Variants in SLA observed in about 807,000 individuals in gnomAD.
SLA encodes src-like-adapter.
In SLA, 16 loss-of-function variants were observed where a neutral mutation model predicts 30.3. The observed-to-expected ratio is 0.53, with a 90% CI of 0.36 to 0.80. The LOEUF (loss-of-function observed/expected upper bound fraction) is 0.80, where lower values mean the gene tolerates loss of function less well. Among genes scored for constraint, SLA ranks in the 30% least tolerant of loss-of-function variants. SLA has a pLI of 0.01. For missense variants in SLA, 310 were observed against 345.2 expected, an observed-to-expected ratio of 0.90 and a Z score of 0.81; for synonymous variants, 143 against 137.8, an observed-to-expected ratio of 1.04 and a Z score of -0.26.
At position 133,040,093 on chromosome 8, in the gene SLA, G is replaced by A; in HGVS notation, c.522C>T (p.Pro174=). The A allele has an allele frequency of 1.9e-6, 3 of 1,568,454 alleles. No homozygotes were observed. The highest frequency in any genetic ancestry group is 2.6e-6 in the Non-Finnish European group (3 of 1,156,598). ...ADGLCCVLTT[P]CLTQSTAAPA... Reference sequence around the variant, plus strand: ...GGGCAGCCGTGCTTTGTGTCAGGCAGGGCGTGGTGAGCACACAGCACAGGC... The same window carrying A: ...GGGCAGCCGTGCTTTGTGTCAGGCAAGGCGTGGTGAGCACACAGCACAGGC... The change falls in exon 8 of 9, where the codon CCC becomes CCT. Residue 174 remains proline (P), a synonymous_variant. Transcript: ENST00000338087.
At chr8:133,057,653 C>A (rs1353516417) in intron 3 of SLA, among the ~76,000 whole-genome samples, 1 of 152,084 alleles carries the variant, frequency 6.6e-6, no homozygotes, top group Non-Finnish European at 1.5e-5. Context: ...GGGCCTTCTG[C>A]CTCTGAAACT....
At chr8:133,057,525 G>A (rs1841664795) in intron 3 of SLA, among the ~76,000 whole-genome samples, 1 of 152,082 alleles carries the variant, frequency 6.6e-6, no homozygotes, top group Non-Finnish European at 1.5e-5. Context: ...CTTTGCTGGT[G>A]CCTGCCCTGC....
Position 133,058,147 on chromosome 8 carries a change from C to A in SLA, c.61+1953G>T, listed in dbSNP as rs1035282998. ...CATGAGGCAGATGGGGACTACTTAA[C>A]ACGGCATCACTGCACCGCCTTCCCC... On this transcript the variant is annotated intron_variant, in intron 3 of 8. Coordinates refer to ENST00000338087, the MANE Select transcript of SLA (RefSeq NM_001045556.3). 2.6e-5 allele frequency among the ~76,000 whole-genome samples: 4 copies of A among 152,320 alleles called. No individual in the cohort carries two copies. In the East Asian group the frequency reaches 7.7e-4, roughly 29 times the overall value.
intron 2 of SLA, among the ~76,000 whole-genome samples, chr8:133,071,473 G>A (rs1844020238): frequency 1.3e-5 from 2 of 152,208 alleles, no homozygotes; most frequent in Non-Finnish European, 1.5e-5. Flanking sequence ...TCTTTTGTGT[G>A]CTAGAGGGTT....
At chr8:133,079,392 C>T (rs1845405725) in intron 1 of SLA, among the ~76,000 whole-genome samples, 1 of 152,228 alleles carries the variant, frequency 6.6e-6, no homozygotes, top group African/African-American at 2.4e-5. Context: ...TGGTCATCAC[C>T]TTATTAAAGT....
At chr8:133,079,819 T>C (rs1049422256) in intron 1 of SLA, among the ~76,000 whole-genome samples, 28 of 152,148 alleles carry the variant, frequency 1.8e-4, no homozygotes, top group African/African-American at 6.5e-4. Flanking sequence ...ATACCACTTA[T>C]TGAATGCAAG....
At chr8:133,082,555 C>A (rs147801843) in intron 1 of SLA, among the ~76,000 whole-genome samples, 1 of 152,178 alleles carries the variant, frequency 6.6e-6, no homozygotes, top group African/African-American at 2.4e-5. Flanking sequence ...CTGTGGGCAC[C>A]GGGAAAGTGG....
chr8:133,042,795 G>A (rs1838552933), intron 7 of SLA, among the ~76,000 whole-genome samples: 1 of 145,614 alleles, frequency 6.9e-6, no homozygotes, highest in Non-Finnish European at 1.5e-5. Context: ...CTGGGTTCAA[G>A]TGATTCCCCT....
Position 133,061,553 on chromosome 8 carries a change from G to A in SLA, c.-40-1353C>T, listed in dbSNP as rs183669335. 2.1e-3 allele frequency among the ~76,000 whole-genome samples: 313 copies of A among 152,310 alleles called. 1 individual carries two copies. In the Middle Eastern group the frequency reaches 0.024, roughly 12 times the overall value. On this transcript the variant is annotated intron_variant, in intron 2 of 8. Transcript: ENST00000338087. The stretch of plus-strand genomic sequence containing the variant: ...GAGAATAGGGTTTTAGGGAAGCCAC[G>A]TTCCCTCTGGATGGTGGAAGCACAG...
chr8:133,054,896 C>A (rs1287583986), intron 3 of SLA, among the ~76,000 whole-genome samples: 1 of 152,178 alleles, frequency 6.6e-6, no homozygotes, highest in Admixed American at 6.5e-5. Context: ...ATGACCATTT[C>A]TTTTTAAATG....
chr8:133,072,284 T>C (rs1844179037), intron 2 of SLA, among the ~76,000 whole-genome samples: 1 of 152,174 alleles, frequency 6.6e-6, no homozygotes. Flanking sequence ...CATAATCAAA[T>C]TGCCTCCTCC....
intron 2 of SLA, among the ~76,000 whole-genome samples, chr8:133,074,000 G>A (rs1192689861): frequency 6.6e-6 from 1 of 152,026 alleles, no homozygotes; most frequent in Non-Finnish European, 1.5e-5. Context: ...ACACCCCCAT[G>A]CACAGCCCCA....
chr8:133,097,729 T>C (rs933899115), intron 1 of SLA, among the ~76,000 whole-genome samples: 5 of 152,192 alleles, frequency 3.3e-5, no homozygotes, highest in African/African-American at 1.2e-4. Flanking sequence ...GATGTAGAGA[T>C]GTGAGAAAGA....
At chr8:133,069,892 T>A (rs1351469629) in intron 2 of SLA, among the ~76,000 whole-genome samples, 1 of 150,366 alleles carries the variant, frequency 6.7e-6, no homozygotes, top group African/African-American at 2.4e-5. Context: ...TCCCAGCTAC[T>A]TGGGAGGCTG....
rs1333379514 is a variant in SLA at position 133,037,042 on chromosome 8, A to G, written c.*1482T>C. The G allele has an allele frequency of 6.6e-6, 1 of 152,242 alleles. No individual in the cohort carries two copies. The highest frequency in any genetic ancestry group is 1.9e-4 in the East Asian group (1 of 5,198). The allele number at this position is 152,242 out of a possible 1,614,324, so 9.4% of individuals were successfully genotyped here. ...TCCTTGTATAAACACACTAGAATCTATGATACAGAAAACTGTGTAACTGCA... is the reference window on the plus strand; with the variant it reads ...TCCTTGTATAAACACACTAGAATCTGTGATACAGAAAACTGTGTAACTGCA... On this transcript the variant is annotated 3_prime_UTR_variant, in exon 9 of 9. Coordinates refer to ENST00000338087, the MANE Select transcript of SLA (RefSeq NM_001045556.3).
intron 7 of SLA, among the ~76,000 whole-genome samples, chr8:133,044,752 C>T (rs1181407971): frequency 6.6e-6 from 1 of 152,196 alleles, no homozygotes; most frequent in African/African-American, 2.4e-5. Flanking sequence ...GTTTAATGTA[C>T]ACTTCGAGAG....
intron 1 of SLA, among the ~76,000 whole-genome samples, chr8:133,100,785 G>A (rs902807502): frequency 3.0e-4 from 45 of 152,068 alleles, no homozygotes; most frequent in Non-Finnish European, 6.0e-4. Flanking sequence ...TGTGCAAAGG[G>A]CTTTCCAATT....
At chr8:133,050,750 T>A in intron 4 of SLA, 66 bp downstream of exon 4, 3 of 1,058,084 alleles carry the variant, frequency 2.8e-6, no homozygotes, top group Non-Finnish European at 4.4e-6. Flanking sequence ...AACAATCAAA[T>A]ACTTTTCTCC....
chr8:133,076,416 A>C (rs560797169), intron 1 of SLA, among the ~76,000 whole-genome samples: 1 of 152,352 alleles, frequency 6.6e-6, no homozygotes, highest in South Asian at 2.1e-4. Context: ...GGCACTCTGC[A>C]CTAGAGAGAT....
Sources: gnomAD v4.1 joint callset for allele counts (sites outside exome capture counted in the v4.1 genomes callset) on GRCh38, gnomAD v4.1.1 for gene constraint, MANE v1.5 for transcripts, NCBI Gene and HGNC (gene_info 2026-07-23, HGNC 2026-07-21) for gene names.